MAF: variants seen among roughly 807,000 people sequenced by gnomAD.
MAF encodes the protein transcription factor Maf.
In MAF, 10 loss-of-function variants were observed where a neutral mutation model predicts 22.0. That is an observed-to-expected ratio of 0.45 (90% CI 0.28 to 0.77). The LOEUF is 0.77. Among genes scored for constraint, MAF ranks in the 30% least tolerant of loss-of-function variants. The pLI, the probability that MAF is intolerant of heterozygous loss-of-function variation, is 0.12. For missense variants in MAF, 544 were observed against 548.4 expected (o/e 0.99, Z 0.08); for synonymous variants, 337 against 255.8 (o/e 1.32, Z -3.03).
the MAF span, among the ~76,000 whole-genome samples, chr16:79,292,625 G>C: frequency 6.6e-6 from 1 of 152,124 alleles, no homozygotes; most frequent in African/African-American, 2.4e-5. Context: ...ATAGGGGCTG[G>C]TCACAATGAG....
the MAF span, among the ~76,000 whole-genome samples, chr16:79,358,631 A>T: frequency 6.6e-6 from 1 of 152,152 alleles, no homozygotes; most frequent in African/African-American, 2.4e-5. Flanking sequence ...TTTTGCGAGG[A>T]TGTAAAAAGA....
chr16:79,539,417 T>C, the MAF span, among the ~76,000 whole-genome samples: 47 of 152,148 alleles, frequency 3.1e-4, no homozygotes, highest in African/African-American at 1.0e-3. Flanking sequence ...GGCAAGAGAA[T>C]CACTCGAACC....
At chr16:79,314,186 A>T in the MAF span, among the ~76,000 whole-genome samples, 1 of 152,140 alleles carries the variant, frequency 6.6e-6, no homozygotes, top group African/African-American at 2.4e-5. Flanking sequence ...GGCATGTCTT[A>T]TGGTCAACAG....
chr16:79,332,924 G>A, the MAF span, among the ~76,000 whole-genome samples: 1 of 152,200 alleles, frequency 6.6e-6, no homozygotes, highest in South Asian at 2.1e-4. Flanking sequence ...ACAGCCAGGT[G>A]CTGCTGACTT....
At chr16:79,526,126 T>A in the MAF span, among the ~76,000 whole-genome samples, 4 of 152,196 alleles carry the variant, frequency 2.6e-5, no homozygotes, top group African/African-American at 4.8e-5. Context: ...GTGAAGAGAT[T>A]CACACCAACT....
the MAF span, among the ~76,000 whole-genome samples, chr16:79,207,057 A>G: frequency 6.6e-6 from 1 of 152,158 alleles, no homozygotes; most frequent in Non-Finnish European, 1.5e-5. Flanking sequence ...GAGAGTGGTT[A>G]TAGCCTCTCC....
At chr16:79,238,562 A>C in the MAF span, among the ~76,000 whole-genome samples, 1 of 152,018 alleles carries the variant, frequency 6.6e-6, no homozygotes, top group South Asian at 2.1e-4. Flanking sequence ...CTGAAGCCTA[A>C]AGTCTCCCTG....
chr16:79,247,306 A>G, the MAF span, among the ~76,000 whole-genome samples: 3 of 152,230 alleles, frequency 2.0e-5, no homozygotes, highest in South Asian at 4.1e-4. Flanking sequence ...TGGCATGTCA[A>G]TGGAGAACAG....
chr16:79,413,202 G>A, the MAF span, among the ~76,000 whole-genome samples: 1 of 129,370 alleles, frequency 7.7e-6, no homozygotes, highest in Non-Finnish European at 1.6e-5. Flanking sequence ...CTACTTGTGA[G>A]CTGTGCAGTT....
chr16:79,544,705 G>A, the MAF span, among the ~76,000 whole-genome samples: 23 of 148,712 alleles, frequency 1.5e-4, no homozygotes, highest in African/African-American at 4.7e-4. Flanking sequence ...CCCAGGAGGC[G>A]GACCTCACAG....
chr16:79,246,763 C>A, the MAF span, among the ~76,000 whole-genome samples: 5 of 152,088 alleles, frequency 3.3e-5, no homozygotes, highest in Admixed American at 6.5e-5. Flanking sequence ...AACATTGGAA[C>A]TTTACCCAAG....
chr16:79,208,515 G>C, the MAF span, among the ~76,000 whole-genome samples: 2 of 152,154 alleles, frequency 1.3e-5, no homozygotes, highest in East Asian at 1.9e-4. Flanking sequence ...TTTTATAACG[G>C]AGTTGTTAAC....
At chr16:79,566,946 T>C in the MAF span, among the ~76,000 whole-genome samples, 1 of 152,204 alleles carries the variant, frequency 6.6e-6, no homozygotes, top group African/African-American at 2.4e-5. Flanking sequence ...CTTAGGGCAT[T>C]TTATAGAGTC....
the MAF span, among the ~76,000 whole-genome samples, chr16:79,254,027 T>C: frequency 6.6e-6 from 1 of 151,730 alleles, no homozygotes; most frequent in African/African-American, 2.4e-5. Flanking sequence ...AATCTTTTTT[T>C]GTTTTTTTTT....
chr16:79,580,215 T>G, the MAF span, among the ~76,000 whole-genome samples: 2 of 152,102 alleles, frequency 1.3e-5, no homozygotes, highest in African/African-American at 2.4e-5. Context: ...CTGGGTCTAT[T>G]ATGTGGCCAC....
chr16:79,342,608 G>C, the MAF span, among the ~76,000 whole-genome samples: 2 of 150,874 alleles, frequency 1.3e-5, no homozygotes, highest in Non-Finnish European at 3.0e-5. Context: ...CATCATCATT[G>C]TCACCATCAC....
the MAF span, among the ~76,000 whole-genome samples, chr16:79,491,639 G>T: frequency 1.3e-5 from 2 of 152,288 alleles, no homozygotes; most frequent in South Asian, 2.1e-4. Context: ...AGAATGCCCA[G>T]CGACTAACAT....
At chr16:79,503,378 A>T in the MAF span, among the ~76,000 whole-genome samples, 1 of 152,202 alleles carries the variant, frequency 6.6e-6, no homozygotes, top group Non-Finnish European at 1.5e-5. Flanking sequence ...AAGGACTCAC[A>T]TTTTCTAAGA....
At chr16:79,533,331 C>T in the MAF span, among the ~76,000 whole-genome samples, 23 of 152,258 alleles carry the variant, frequency 1.5e-4, no homozygotes, top group African/African-American at 4.6e-4. Context: ...GAGGTTTCCA[C>T]CCACCCCACT....
Sources: allele counts gnomAD v4.1 joint callset (sites outside exome capture counted in the v4.1 genomes callset), GRCh38; gene constraint gnomAD v4.1.1; transcripts MANE v1.5; gene names NCBI Gene and HGNC (gene_info 2026-07-23, HGNC 2026-07-21).